PLEKHG1: variants seen among roughly 807,000 people sequenced by gnomAD.
The protein encoded by PLEKHG1 is pleckstrin homology domain-containing family G member 1.
In PLEKHG1, 44 loss-of-function variants were observed where a neutral mutation model predicts 100.8. That is an observed-to-expected ratio of 0.44 (90% CI 0.34 to 0.56). PLEKHG1 has a LOEUF of 0.56. Ranked by LOEUF, PLEKHG1 falls within the 20% of genes least tolerant of loss-of-function variation. PLEKHG1 has a pLI of 0.01. For missense variants in PLEKHG1, 1,545 were observed against 1,720.9 expected, an observed-to-expected ratio of 0.90 and a Z score of 1.81; for synonymous variants, 640 against 662.5, an observed-to-expected ratio of 0.97 and a Z score of 0.52.
chr6:150,806,474 C>T (rs1303643370), intron 7 of PLEKHG1, among the ~76,000 whole-genome samples: 1 of 151,878 alleles, frequency 6.6e-6, no homozygotes, highest in African/African-American at 2.4e-5. Flanking sequence ...CACTTGATGT[C>T]AGGAGTTCGA....
intron 3 of PLEKHG1, among the ~76,000 whole-genome samples, chr6:150,704,443 G>A (rs1309182590): frequency 3.9e-5 from 6 of 152,210 alleles, no homozygotes; most frequent in Non-Finnish European, 7.3e-5. Flanking sequence ...CCTTTGGAGA[G>A]TCTAATCCTT....
chr6:150,652,720 CAAA>C (rs199612130), intron 3 of PLEKHG1, among the ~76,000 whole-genome samples: 1 of 81,988 alleles, frequency 1.2e-5, no homozygotes, highest in Non-Finnish European at 2.6e-5. Flanking sequence ...AACTGTGTCT[CAAA>C]AAAAAAAAAA....
chr6:150,758,734 T>G (rs1156328614), intron 2 of PLEKHG1, among the ~76,000 whole-genome samples: 1 of 152,228 alleles, frequency 6.6e-6, no homozygotes, highest in Non-Finnish European at 1.5e-5. Context: ...GGTGTTGAGC[T>G]TTTTTTCATA....
intron 3 of PLEKHG1, among the ~76,000 whole-genome samples, chr6:150,657,295 G>A (rs749750616): frequency 2.0e-5 from 3 of 152,130 alleles, no homozygotes; most frequent in Non-Finnish European, 2.9e-5. Flanking sequence ...GTACTGTGAA[G>A]GATATGAAGG....
intron 2 of PLEKHG1, among the ~76,000 whole-genome samples, chr6:150,640,678 C>T (rs1042264470): frequency 5.3e-5 from 8 of 152,252 alleles, no homozygotes; most frequent in Non-Finnish European, 1.2e-4. Context: ...TTTCACTCGT[C>T]GCCCTGAACT....
intron 1 of PLEKHG1, among the ~76,000 whole-genome samples, chr6:150,628,576 A>ACACACACACACACACACACACACC (rs1317085737): frequency 1.0e-4 from 11 of 108,186 alleles, no homozygotes; most frequent in African/African-American, 3.7e-4. Context: ...ACACACACAC[A>ACACACACACACACACACACACACC]CCCCGTCCTT....
chr6:150,746,390 C>T (rs1282669603), intron 2 of PLEKHG1, among the ~76,000 whole-genome samples: 4 of 152,134 alleles, frequency 2.6e-5, no homozygotes, highest in East Asian at 1.9e-4. Context: ...TAGGTTTCAC[C>T]GCTTCTTCCT....
At chr6:150,711,713 T>G (rs767797550) in intron 3 of PLEKHG1, among the ~76,000 whole-genome samples, 1 of 152,228 alleles carries the variant, frequency 6.6e-6, no homozygotes, top group African/African-American at 2.4e-5. Flanking sequence ...TTTATCTGTT[T>G]TGTTCACTCT....
intron 3 of PLEKHG1, among the ~76,000 whole-genome samples, chr6:150,702,557 G>GGTGGGTGTGTGTGTGTGT (rs1554261635): frequency 2.1e-5 from 3 of 142,830 alleles, no homozygotes; most frequent in African/African-American, 8.0e-5. Flanking sequence ...TTTGTTTTGG[G>GGTGGGTGTGTGTGTGTGT]GTGTGTGTGT....
At chr6:150,709,979 G>T (rs909226666) in intron 3 of PLEKHG1, among the ~76,000 whole-genome samples, 3 of 151,598 alleles carry the variant, frequency 2.0e-5, no homozygotes, top group African/African-American at 7.3e-5. Context: ...GTAGAGATGG[G>T]GTCTCACTCT....
At chr6:150,773,123 A>C (rs10080992) in intron 3 of PLEKHG1, among the ~76,000 whole-genome samples, 4,496 of 152,262 alleles carry the variant, frequency 0.03, 218 homozygotes, top group African/African-American at 0.1. Context: ...TTTTTCTAAA[A>C]GTCTTAAAAT....
chr6:150,839,391 C>T lies in PLEKHG1; in HGVS notation c.3095-442C>T, dbSNP rs1451797916. ...TTGGCCTCCGAAAGTGCTAGAATTA[C>T]AGGCGTGAGCTATTACGCCCAGCCC... On this transcript the variant is annotated intron_variant, in intron 15 of 15. Transcript: ENST00000358517. 2.0e-5 allele frequency among the ~76,000 whole-genome samples: 3 copies of T among 152,214 alleles called. No individual in the cohort carries two copies. The East Asian group carries it at 5.8e-4, about 29-fold the overall frequency.
Position 150,673,720 on chromosome 6 carries a change from G to T in PLEKHG1, c.-99+22934G>T, listed in dbSNP as rs185061007. The stretch of plus-strand genomic sequence containing the variant: ...CTGTCACCCAGGCTGGAGTGCAGTG[G>T]CACAATCACGACTCACTGCAGCCTC... On this transcript the variant is annotated intron_variant, in intron 3 of 3. Transcript: ENST00000367326. Among the ~76,000 whole-genome samples, 13 of 151,614 alleles carry T rather than the reference G, an allele frequency of 8.6e-5. No homozygotes were observed. In the East Asian group the frequency reaches 2.3e-3, roughly 27 times the overall value.
At chr6:150,781,342 T>C (rs905900192) in intron 3 of PLEKHG1, among the ~76,000 whole-genome samples, 2 of 151,242 alleles carry the variant, frequency 1.3e-5, no homozygotes, top group African/African-American at 4.9e-5. Flanking sequence ...CCGTCTCTAC[T>C]AAAAATACAA....
chr6:150,713,485 A>G (rs1407759072), intron 3 of PLEKHG1, among the ~76,000 whole-genome samples: 1 of 152,180 alleles, frequency 6.6e-6, no homozygotes, highest in Non-Finnish European at 1.5e-5. Flanking sequence ...CCTGAGATAA[A>G]TCATTTGCTC....
At chr6:150,781,362 A>G (rs535233736) in intron 3 of PLEKHG1, among the ~76,000 whole-genome samples, 1 of 151,430 alleles carries the variant, frequency 6.6e-6, no homozygotes, top group African/African-American at 2.4e-5. Flanking sequence ...AAAATTAGCC[A>G]GACGTGGTGG....
At chr6:150,687,648 C>T (rs1013434623) in intron 3 of PLEKHG1, among the ~76,000 whole-genome samples, 30 of 152,096 alleles carry the variant, frequency 2.0e-4, no homozygotes, top group Admixed American at 2.0e-3. Context: ...CGACGATGGA[C>T]CCATGGGAGG....
chr6:150,661,834 A>T (rs1779205435), intron 3 of PLEKHG1, among the ~76,000 whole-genome samples: 1 of 152,236 alleles, frequency 6.6e-6, no homozygotes, highest in South Asian at 2.1e-4. Context: ...GCACCTTATG[A>T]TTATGTAGCA....
chr6:150,789,582 G>C (rs1785844842), intron 4 of PLEKHG1, among the ~76,000 whole-genome samples: 1 of 152,206 alleles, frequency 6.6e-6, no homozygotes, highest in South Asian at 2.1e-4. Flanking sequence ...AGCTGGCTAG[G>C]AGTAAGTCAC....
Sources: allele counts gnomAD v4.1 joint callset (sites outside exome capture counted in the v4.1 genomes callset), GRCh38; gene constraint gnomAD v4.1.1; transcripts MANE v1.5; gene names NCBI Gene and HGNC (gene_info 2026-07-23, HGNC 2026-07-21).